Variants in BMPER observed in about 807,000 individuals in gnomAD.
BMPER encodes BMP binding endothelial regulator, also known as BMP-binding endothelial regulator protein.
A neutral mutation model predicts 87.3 loss-of-function variants in BMPER; 45 were observed. The observed-to-expected ratio is 0.52, with a 90% confidence interval of 0.41 to 0.66. The LOEUF (loss-of-function observed/expected upper bound fraction) is 0.66. BMPER is among the 30% of genes least tolerant of loss of function. BMPER has a pLI of 0.00. For missense variants in BMPER, 784 were observed against 867.5 expected, an observed-to-expected ratio of 0.90 and a Z score of 1.21; for synonymous variants, 326 against 316.2, an observed-to-expected ratio of 1.03 and a Z score of -0.33.
chr7:34,149,035 C>G (rs115568854), intron 14 of BMPER, among the ~76,000 whole-genome samples: 3,554 of 152,104 alleles, frequency 0.023, 123 homozygotes, highest in African/African-American at 0.08. Flanking sequence ...AATCCCCATC[C>G]AGGAGGCATG....
chr7:33,950,797 A>T (rs1250465287), intron 3 of BMPER, among the ~76,000 whole-genome samples: 1 of 152,176 alleles, frequency 6.6e-6, no homozygotes, highest in Non-Finnish European at 1.5e-5. Context: ...CAGGGGTTGG[A>T]TACAGCTTAG....
intron 5 of BMPER, among the ~76,000 whole-genome samples, chr7:33,974,146 G>GTGAGTTACT: frequency 6.6e-6 from 1 of 152,272 alleles, no homozygotes; most frequent in East Asian, 1.9e-4. Context: ...GCCAGCTGGG[G>GTGAGTTACT]TGAGTTACTT....
intron 11 of BMPER, among the ~76,000 whole-genome samples, chr7:34,063,431 A>G (rs948526387): frequency 1.9e-4 from 29 of 151,918 alleles, no homozygotes; most frequent in African/African-American, 7.0e-4. Context: ...ATTAAATATA[A>G]TATTTATCTA....
intron 13 of BMPER, among the ~76,000 whole-genome samples, chr7:34,104,959 T>C (rs936657378): frequency 6.6e-6 from 1 of 152,214 alleles, no homozygotes; most frequent in East Asian, 1.9e-4. Context: ...CCTTACCCCA[T>C]ACATGTAGTT....
At chr7:34,061,163 A>G (rs1003851636) in intron 10 of BMPER, among the ~76,000 whole-genome samples, 3 of 152,256 alleles carry the variant, frequency 2.0e-5, no homozygotes, top group African/African-American at 7.2e-5. Flanking sequence ...TCACATAAGT[A>G]AAATATCGAA....
At chr7:33,963,829 A>G (rs566746647) in intron 3 of BMPER, among the ~76,000 whole-genome samples, 6 of 152,060 alleles carry the variant, frequency 3.9e-5, no homozygotes, top group Admixed American at 2.0e-4. Context: ...TGAAAACAAA[A>G]CTGGTCTCTC....
intron 6 of BMPER, among the ~76,000 whole-genome samples, chr7:33,986,937 G>C (rs983825242): frequency 6.6e-6 from 1 of 151,696 alleles, no homozygotes; most frequent in African/African-American, 2.4e-5. Context: ...TTTGTGCTTC[G>C]TGGCTCCCCT....
At chr7:34,044,022 G>T (rs1787896195) in intron 6 of BMPER, among the ~76,000 whole-genome samples, 1 of 152,184 alleles carries the variant, frequency 6.6e-6, no homozygotes, top group Non-Finnish European at 1.5e-5. Context: ...TCCTAGGAAG[G>T]GCCTGGACTT....
At chr7:33,906,336 C>T (rs1471370476) in intron 1 of BMPER, among the ~76,000 whole-genome samples, 1 of 152,104 alleles carries the variant, frequency 6.6e-6, no homozygotes, top group African/African-American at 2.4e-5. Context: ...AAGGGGATTG[C>T]GTTTCAAAAA....
At chr7:34,109,306 T>A (rs990666349) in intron 13 of BMPER, among the ~76,000 whole-genome samples, 2 of 151,968 alleles carry the variant, frequency 1.3e-5, no homozygotes, top group Admixed American at 6.6e-5. Context: ...CAGGGGAGGG[T>A]CAGCTTTTTT....
chr7:34,116,350 G>A (rs1790118271), intron 13 of BMPER, among the ~76,000 whole-genome samples: 1 of 151,964 alleles, frequency 6.6e-6, no homozygotes, highest in South Asian at 2.1e-4. Context: ...AATACAGTGA[G>A]TTTTTTTTCC....
intron 13 of BMPER, among the ~76,000 whole-genome samples, chr7:34,128,077 T>G (rs1476640373): frequency 6.6e-6 from 1 of 152,222 alleles, no homozygotes; most frequent in Non-Finnish European, 1.5e-5. Flanking sequence ...CCTTTCCCAT[T>G]GATTTCTCGT....
At chr7:34,092,340 G>C (rs745800755) in intron 13 of BMPER, among the ~76,000 whole-genome samples, 1 of 152,088 alleles carries the variant, frequency 6.6e-6, no homozygotes, top group Non-Finnish European at 1.5e-5. Context: ...TGGACCCCCT[G>C]GTTCCTCTTC....
intron 8 of BMPER, among the ~76,000 whole-genome samples, chr7:34,052,316 T>G (rs1208129050): frequency 1.3e-5 from 2 of 152,188 alleles, no homozygotes; most frequent in African/African-American, 2.4e-5. Context: ...CAATAAAAAT[T>G]GCTTTTAATC....
At chr7:34,096,013 A>C (rs12701343) in intron 13 of BMPER, among the ~76,000 whole-genome samples, 28,833 of 152,082 alleles carry the variant, frequency 0.19, 3,324 homozygotes, top group Middle Eastern at 0.27. Flanking sequence ...TGTAAATCCC[A>C]GATGGAATGA....
At chr7:33,988,985 T>C (rs1479992420) in intron 6 of BMPER, among the ~76,000 whole-genome samples, 2 of 138,916 alleles carry the variant, frequency 1.4e-5, no homozygotes, top group Non-Finnish European at 3.1e-5. Context: ...ATGGTGTATA[T>C]GTGCCACATT....
intron 5 of BMPER, among the ~76,000 whole-genome samples, chr7:33,974,471 AC>A (rs1380969314): frequency 6.6e-6 from 1 of 151,984 alleles, no homozygotes; most frequent in East Asian, 1.9e-4. Context: ...CCTTGGGCTG[AC>A]CTGGGTTCCA....
At chr7:33,925,332 C>T (rs964906129) in intron 2 of BMPER, among the ~76,000 whole-genome samples, 1 of 152,106 alleles carries the variant, frequency 6.6e-6, no homozygotes, top group East Asian at 1.9e-4. Context: ...ATGACTTGCC[C>T]TTTTCGTAGC....
intron 13 of BMPER, among the ~76,000 whole-genome samples, chr7:34,089,993 C>T (rs1789335171): frequency 6.6e-6 from 1 of 152,018 alleles, no homozygotes; most frequent in Non-Finnish European, 1.5e-5. Flanking sequence ...CCCATTTTGG[C>T]TAATTTGGCA....
Sources: gnomAD v4.1 joint callset for allele counts (sites outside exome capture counted in the v4.1 genomes callset) on GRCh38, gnomAD v4.1.1 for gene constraint, MANE v1.5 for transcripts, NCBI Gene and HGNC (gene_info 2026-07-23, HGNC 2026-07-21) for gene names.